Variants in CPPED1 observed in about 807,000 individuals in gnomAD.
The protein encoded by CPPED1 is calcineurin like phosphoesterase domain containing 1.
In CPPED1, 28 loss-of-function variants were observed where a neutral mutation model predicts 28.0. That is an observed-to-expected ratio of 1.00 (90% confidence interval 0.74 to 1.37). The LOEUF (loss-of-function observed/expected upper bound fraction) is 1.37, where lower values mean the gene tolerates loss of function less well. CPPED1 is among the 40% of genes most tolerant of loss of function. The probability of loss-of-function intolerance (pLI) is 0.00; values close to 1 mark genes in which losing one functional copy is unlikely to be tolerated. For missense variants in CPPED1, 504 were observed against 416.5 expected, an observed-to-expected ratio of 1.21 and a Z score of -1.83; for synonymous variants, 198 against 180.2, an observed-to-expected ratio of 1.10 and a Z score of -0.79.
At chr16:12,785,418 C>T (rs1029973087) in intron 1 of CPPED1, among the ~76,000 whole-genome samples, 9 of 146,602 alleles carry the variant, frequency 6.1e-5, no homozygotes, top group East Asian at 4.1e-4. Context: ...CCCAGACAAA[C>T]GTGAATTCTT....
chr16:12,781,392 C>T lies in CPPED1; in HGVS notation c.82G>A (p.Glu28Lys), dbSNP rs376408924. ...ATGAAGTAGAATGGGCCTTTCCATT[C>T]GCTTTCCTTTTCTTAAAAAAAGAGA... ...LAAFPAEKES[E>K]WKGPFYFILG... The change falls in exon 2 of 4, where the codon GAA becomes AAA. Residue 28 changes from glutamate to lysine, a missense_variant. Coordinates refer to ENST00000381774, the MANE Select transcript of CPPED1 (RefSeq NM_018340.3). The T allele has an allele frequency of 5.3e-5, 85 of 1,613,144 alleles. 2 individuals carry two copies. The highest frequency in any genetic ancestry group is 4.3e-4 in the South Asian group (39 of 90,844).
At chr16:12,762,845 G>A (rs767000981) in intron 2 of CPPED1, among the ~76,000 whole-genome samples, 20 of 152,022 alleles carry the variant, frequency 1.3e-4, no homozygotes, top group Non-Finnish European at 2.8e-4. Context: ...CTGGACTCAG[G>A]CAATCCTCCC....
intron 2 of CPPED1, among the ~76,000 whole-genome samples, chr16:12,713,329 T>C (rs989912174): frequency 6.6e-6 from 1 of 152,150 alleles, no homozygotes; most frequent in African/African-American, 2.4e-5. Flanking sequence ...AAGGAGAAGG[T>C]GGTTGTCCTG....
intron 2 of CPPED1, among the ~76,000 whole-genome samples, chr16:12,749,589 T>TTTTG (rs1301877157): frequency 6.6e-6 from 1 of 152,054 alleles, no homozygotes; most frequent in Non-Finnish European, 1.5e-5. Context: ...GAATCACAAA[T>TTTTG]TTTGTTTGTT....
intron 2 of CPPED1, among the ~76,000 whole-genome samples, chr16:12,758,279 T>A (rs2080385090): frequency 6.6e-6 from 1 of 152,084 alleles, no homozygotes; most frequent in African/African-American, 2.4e-5. Context: ...GCTGTACAGA[T>A]AAGGAAGCAG....
chr16:12,688,315 G>C (rs906177703), intron 3 of CPPED1, among the ~76,000 whole-genome samples: 1 of 149,730 alleles, frequency 6.7e-6, no homozygotes, highest in Non-Finnish European at 1.5e-5. Flanking sequence ...AAGTGTCCTA[G>C]AATCCTACTC....
intron 2 of CPPED1, among the ~76,000 whole-genome samples, chr16:12,714,776 G>A (rs564212263): frequency 6.6e-6 from 1 of 151,602 alleles, no homozygotes; most frequent in East Asian, 2.0e-4. Flanking sequence ...TGTCCTTTGA[G>A]GTACAAAATA....
chr16:12,774,479 G>C (rs1028694905), intron 2 of CPPED1, among the ~76,000 whole-genome samples: 1 of 150,646 alleles, frequency 6.6e-6, no homozygotes, highest in Non-Finnish European at 1.5e-5. Context: ...AAAAAAAAAA[G>C]TTCCCTCCAG....
chr16:12,782,469 C>T lies in CPPED1; in HGVS notation c.71-1066G>A, dbSNP rs551507418. ...TTTATCCTCTGAAGAAACTGAGGCCCGGAGAGGCAAGAGAACTTGCTAAAT... is the reference window on the plus strand; with the variant it reads ...TTTATCCTCTGAAGAAACTGAGGCCTGGAGAGGCAAGAGAACTTGCTAAAT... On this transcript the variant is annotated intron_variant, in intron 1 of 3. Transcript: ENST00000381774. 1.7e-3 allele frequency among the ~76,000 whole-genome samples: 265 copies of T among 151,790 alleles called. 1 individual carries two copies. The highest frequency in any genetic ancestry group is 6.0e-3 in the African/African-American group (250 of 41,400).
intron 1 of CPPED1, among the ~76,000 whole-genome samples, chr16:12,800,053 G>A (rs2080649953): frequency 6.6e-6 from 1 of 152,130 alleles, no homozygotes; most frequent in Non-Finnish European, 1.5e-5. Flanking sequence ...AGCTGCAATG[G>A]CCTAGGAAGC....
At chr16:12,755,866 C>T (rs2080363261) in intron 2 of CPPED1, among the ~76,000 whole-genome samples, 1 of 152,144 alleles carries the variant, frequency 6.6e-6, no homozygotes. Flanking sequence ...GGTACGGTGG[C>T]TCACGCCTGT....
chr16:12,743,747 T>C (rs998010368), intron 2 of CPPED1, among the ~76,000 whole-genome samples: 2 of 152,176 alleles, frequency 1.3e-5, no homozygotes, highest in Non-Finnish European at 2.9e-5. Context: ...CTCACACCTG[T>C]AATTCCAGCA....
At chr16:12,679,841 T>C (rs1006376358) in intron 3 of CPPED1, among the ~76,000 whole-genome samples, 1 of 152,194 alleles carries the variant, frequency 6.6e-6, no homozygotes, top group African/African-American at 2.4e-5. Flanking sequence ...GGAATTTCCT[T>C]ATCTGACTAA....
chr16:12,728,464 C>T (rs1485187177), intron 2 of CPPED1, among the ~76,000 whole-genome samples: 1 of 151,790 alleles, frequency 6.6e-6, no homozygotes, highest in Non-Finnish European at 1.5e-5. Context: ...TTGAGATCCC[C>T]CGAGAAAGAT....
intron 1 of CPPED1, among the ~76,000 whole-genome samples, chr16:12,794,532 T>C (rs1241209642): frequency 1.4e-5 from 2 of 140,250 alleles, no homozygotes; most frequent in African/African-American, 2.7e-5. Context: ...TAAGTACAGG[T>C]TGCATATCTC....
At chr16:12,742,055 G>A (rs558179472) in intron 2 of CPPED1, among the ~76,000 whole-genome samples, 8 of 149,952 alleles carry the variant, frequency 5.3e-5, no homozygotes, top group Non-Finnish European at 1.0e-4. Flanking sequence ...GACAGAACAA[G>A]GCTCCGTTTC....
rs186861580 is a variant in CPPED1 at position 12,721,959 on chromosome 16, A to G, written c.290-16910T>C. 7.9e-5 allele frequency among the ~76,000 whole-genome samples: 12 copies of G among 152,238 alleles called. No individual in the cohort carries two copies. In the East Asian group the frequency reaches 1.9e-3, roughly 24 times the overall value. Reference sequence around the variant, plus strand: ...TAGACTTCAACTGTGTTATGAATCCATTTACTGTCTTAGTAAGAATGTTTT... The same window carrying G: ...TAGACTTCAACTGTGTTATGAATCCGTTTACTGTCTTAGTAAGAATGTTTT... On this transcript the variant is annotated intron_variant, in intron 2 of 3. Coordinates refer to ENST00000381774, the MANE Select transcript of CPPED1 (RefSeq NM_018340.3).
intron 2 of CPPED1, among the ~76,000 whole-genome samples, chr16:12,747,072 A>T (rs897828548): frequency 5.5e-5 from 8 of 146,462 alleles, no homozygotes; most frequent in African/African-American, 2.0e-4. Context: ...AAAAAAAATT[A>T]AAAAAAAAAA....
chr16:12,730,172 A>T lies in CPPED1; in HGVS notation c.290-25123T>A, dbSNP rs189304042. On this transcript the variant is annotated intron_variant, in intron 2 of 3. Coordinates refer to ENST00000381774, the MANE Select transcript of CPPED1 (RefSeq NM_018340.3). ...CCACCACGGCCAGCTAATTTTTTTT[A>T]AAATTTTTTTGGAGAGAAAGGGTCT... is the stretch of plus-strand genomic sequence containing the variant. Among the ~76,000 whole-genome samples the T allele has an allele frequency of 6.2e-4, 94 of 152,062 alleles. No homozygotes were observed. In the East Asian group the frequency reaches 9.7e-3, roughly 16 times the overall value.
Sources: gnomAD v4.1 joint callset for allele counts (sites outside exome capture counted in the v4.1 genomes callset) on GRCh38, gnomAD v4.1.1 for gene constraint, MANE v1.5 for transcripts, NCBI Gene and HGNC (gene_info 2026-07-23, HGNC 2026-07-21) for gene names.